Variants in CNTN4 observed in about 807,000 individuals in gnomAD.
CNTN4 encodes contactin-4.
Under a neutral mutation model 122.5 loss-of-function variants are expected in CNTN4, and 77 were observed. The observed-to-expected ratio is 0.63, with a 90% confidence interval of 0.52 to 0.76. CNTN4 has a LOEUF of 0.76. CNTN4 is among the 30% of genes least tolerant of loss of function. The pLI is 0.00. For synonymous variants in CNTN4, 512 were observed against 447.0 expected, an observed-to-expected ratio of 1.15 and a Z score of -1.83; for missense variants, 1,256 against 1,259.1, an observed-to-expected ratio of 1.00 and a Z score of 0.04.
At chr3:2,695,521 G>C (rs957952495) in intron 4 of CNTN4, among the ~76,000 whole-genome samples, 1 of 152,140 alleles carries the variant, frequency 6.6e-6, no homozygotes, top group African/African-American at 2.4e-5. Context: ...TTTTATATCA[G>C]TTCCAACATC....
intron 6 of CNTN4, among the ~76,000 whole-genome samples, chr3:2,806,120 G>C (rs188637231): frequency 2.1e-3 from 318 of 152,148 alleles, no homozygotes; most frequent in African/African-American, 7.1e-3. Flanking sequence ...CCAGGATGGT[G>C]TCGATCTCCT....
intron 3 of CNTN4, among the ~76,000 whole-genome samples, chr3:2,512,378 C>A (rs1456381899): frequency 6.6e-6 from 1 of 152,120 alleles, no homozygotes; most frequent in Non-Finnish European, 1.5e-5. Context: ...AAAAAAATCA[C>A]TTTAAATTTG....
chr3:2,769,326 G>T (rs34762339), intron 6 of CNTN4, among the ~76,000 whole-genome samples: 1 of 151,928 alleles, frequency 6.6e-6, no homozygotes, highest in Non-Finnish European at 1.5e-5. Context: ...TTAGTCGGGC[G>T]TGGTGGCGCA....
At chr3:2,164,325 A>C (rs1476645377) in intron 2 of CNTN4, among the ~76,000 whole-genome samples, 1 of 152,188 alleles carries the variant, frequency 6.6e-6, no homozygotes, top group Non-Finnish European at 1.5e-5. Flanking sequence ...GAAGGCTGAG[A>C]AAATTCGCAT....
At chr3:2,357,893 C>G (rs368365075) in intron 3 of CNTN4, among the ~76,000 whole-genome samples, 2 of 152,122 alleles carry the variant, frequency 1.3e-5, no homozygotes, top group East Asian at 3.9e-4. Flanking sequence ...CAATGAATTT[C>G]CAAAATAATA....
intron 10 of CNTN4, among the ~76,000 whole-genome samples, chr3:2,896,562 G>A (rs1273944931): frequency 6.6e-6 from 1 of 152,040 alleles, no homozygotes; most frequent in Non-Finnish European, 1.5e-5. Flanking sequence ...GGAAGTCAGG[G>A]GTTTATGAGA....
chr3:2,227,049 A>T (rs2039311120), intron 2 of CNTN4, among the ~76,000 whole-genome samples: 1 of 152,192 alleles, frequency 6.6e-6, no homozygotes. Context: ...AGAATGTGAT[A>T]GAATGTACCC....
At chr3:2,131,778 C>CTTA (rs1395940425) in intron 2 of CNTN4, among the ~76,000 whole-genome samples, 4 of 152,154 alleles carry the variant, frequency 2.6e-5, no homozygotes, top group Non-Finnish European at 2.9e-5. Flanking sequence ...AAACAGTTAA[C>CTTA]TTATCATCTT....
intron 2 of CNTN4, among the ~76,000 whole-genome samples, chr3:2,232,903 G>T (rs1025360143): frequency 6.6e-6 from 1 of 152,272 alleles, no homozygotes; most frequent in Non-Finnish European, 1.5e-5. Flanking sequence ...AAGAAAGGTT[G>T]AGTGGAAAGA....
At chr3:3,015,747 C>T (rs540874296) in intron 14 of CNTN4, among the ~76,000 whole-genome samples, 2 of 152,292 alleles carry the variant, frequency 1.3e-5, no homozygotes, top group Admixed American at 1.3e-4. Flanking sequence ...TTTTCTTTTG[C>T]ATGTAATCAC....
chr3:2,623,783 CAG>C (rs1195806318), intron 4 of CNTN4, among the ~76,000 whole-genome samples: 5 of 152,204 alleles, frequency 3.3e-5, no homozygotes, highest in African/African-American at 1.2e-4. Context: ...GAGAACAGAG[CAG>C]AGTGTCCCCT....
intron 6 of CNTN4, among the ~76,000 whole-genome samples, chr3:2,798,468 G>A (rs1222006443): frequency 6.6e-6 from 1 of 150,744 alleles, no homozygotes; most frequent in African/African-American, 2.4e-5. Flanking sequence ...CCATATCTTT[G>A]CTATTGTGAA....
intron 2 of CNTN4, among the ~76,000 whole-genome samples, chr3:2,231,647 A>G (rs991732637): frequency 6.6e-6 from 1 of 152,228 alleles, no homozygotes; most frequent in Non-Finnish European, 1.5e-5. Context: ...AAGGCTCACG[A>G]GAATCAAATT....
chr3:2,234,205 C>A (rs1312071066), intron 2 of CNTN4, among the ~76,000 whole-genome samples: 1 of 151,572 alleles, frequency 6.6e-6, no homozygotes, highest in African/African-American at 2.4e-5. Flanking sequence ...ATGGTGAAAC[C>A]CCGTCTCTAC....
intron 3 of CNTN4, among the ~76,000 whole-genome samples, chr3:2,405,644 A>C (rs1051636876): frequency 2.0e-5 from 3 of 152,044 alleles, no homozygotes; most frequent in Admixed American, 2.0e-4. Context: ...GATAGGAGTC[A>C]AGGATCAGCT....
At chr3:2,783,987 T>C (rs2091710455) in intron 6 of CNTN4, among the ~76,000 whole-genome samples, 1 of 152,224 alleles carries the variant, frequency 6.6e-6, no homozygotes, top group Non-Finnish European at 1.5e-5. Flanking sequence ...ACCATAAGCC[T>C]TTCTGGTCTT....
intron 2 of CNTN4, among the ~76,000 whole-genome samples, chr3:2,126,589 T>C (rs2034182647): frequency 4.6e-5 from 7 of 152,218 alleles, no homozygotes; most frequent in Admixed American, 4.6e-4. Flanking sequence ...CTGTGCTTGA[T>C]GGTGTTAGCT....
At chr3:2,926,427 A>G (rs532257996) in intron 13 of CNTN4, among the ~76,000 whole-genome samples, 1 of 152,332 alleles carries the variant, frequency 6.6e-6, no homozygotes, top group Admixed American at 6.5e-5. Flanking sequence ...TTGAGGTTTT[A>G]CATTAGCTTG....
At chr3:2,241,572 G>A (rs1178819628) in intron 2 of CNTN4, among the ~76,000 whole-genome samples, 1 of 152,106 alleles carries the variant, frequency 6.6e-6, no homozygotes, top group Non-Finnish European at 1.5e-5. Context: ...TGCATCTTCT[G>A]CAATGTCTTT....
Sources: allele counts gnomAD v4.1 joint callset (sites outside exome capture counted in the v4.1 genomes callset), GRCh38; gene constraint gnomAD v4.1.1; transcripts MANE v1.5; gene names NCBI Gene and HGNC (gene_info 2026-07-23, HGNC 2026-07-21).